The following OSER1 variants were observed in gnomAD, a reference collection of about 807,000 sequenced individuals.
OSER1 encodes oxidative stress responsive serine rich 1, also known as oxidative stress-responsive serine-rich protein 1.
OSER1 carries 15 observed loss-of-function variants against 26.3 expected under a neutral mutation model. The ratio of observed to expected loss-of-function variants is 0.57; its 90% confidence interval spans 0.38 to 0.88. OSER1 has a LOEUF of 0.88. Among genes scored for constraint, OSER1 ranks in the 40% least tolerant of loss-of-function variants. The pLI is 0.00. For missense variants in OSER1, 313 were observed against 353.9 expected, an observed-to-expected ratio of 0.88 and a Z score of 0.93; for synonymous variants, 127 against 128.2, an observed-to-expected ratio of 0.99 and a Z score of 0.07.
rs1230761420 is a variant in OSER1, at chr20:44,197,511, A to G, written c.420T>C (p.Ala140=). 5 of 1,614,072 alleles carry G rather than the reference A, an allele frequency of 3.1e-6. No individual in the cohort carries two copies. In the African/African-American group the frequency reaches 5.3e-5, roughly 17 times the overall value. ...GCTCAACGACTGCCCCTGTGTGATTAGCATCGAGAGAAGTAGAGCTTTCTC... is the reference window on the plus strand; with the variant it reads ...GCTCAACGACTGCCCCTGTGTGATTGGCATCGAGAGAAGTAGAGCTTTCTC... ...SAGESSTSLD[A]NHTGAVVEPL... Residue 140 remains alanine (A), a synonymous_variant, in exon 4 of 4, where the codon GCT becomes GCC. Coordinates refer to ENST00000255174, the MANE Select transcript of OSER1 (RefSeq NM_016470.8).
rs143943850 is a variant in OSER1, at chr20:44,197,635, G to A, written c.296C>T (p.Ala99Val). 1.6e-4 allele frequency: 254 copies of A among 1,613,588 alleles called. No individual in the cohort carries two copies. Among genetic ancestry groups the A allele is most frequent in the Middle Eastern group, 6.6e-4 (4 of 6,084 alleles). The change falls in exon 4 of 4, where the codon GCG becomes GTG. Residue 99 changes from alanine to valine, a missense_variant. Transcript: ENST00000255174. ...CTTGAGTTGACTGCTGGAAGAAGAC[G>A]CTATTGTACTGCAATGTATAAACTT... ...PPKFIHCSTI[A>V]SSSSSQLKHK...
At chr20:44,208,107 C>G (rs1026045701) in intron 1 of OSER1, among the ~76,000 whole-genome samples, 2 of 115,888 alleles carry the variant, frequency 1.7e-5, no homozygotes, top group Non-Finnish European at 3.5e-5. Context: ...AGCCTTTACC[C>G]GCCCCCCCCC....
chr20:44,209,580 G>A (rs1442739699), intron 1 of OSER1, among the ~76,000 whole-genome samples: 1 of 151,464 alleles, frequency 6.6e-6, no homozygotes, highest in Non-Finnish European at 1.5e-5. Flanking sequence ...AATCTCCAAA[G>A]AGATGAAACT....
Position 44,203,138 on chromosome 20 carries a change from C to T in OSER1, c.78-64G>A. 6 of 781,276 alleles carry T rather than the reference C, an allele frequency of 7.7e-6. 1 individual carries two copies. In the South Asian group the frequency reaches 8.1e-5, roughly 10 times the overall value. 48.4% of individuals were successfully genotyped at this position (781,276 alleles called of 1,614,324 possible). ...TAAAATGAGGAGAACATATTGTTCT[C>T]ACTAGCTCAAATACAACTTTTATCA... On this transcript the variant is annotated intron_variant, in intron 2 of 3. Coordinates refer to ENST00000255174, the MANE Select transcript of OSER1 (RefSeq NM_016470.8).
intron 3 of OSER1, among the ~76,000 whole-genome samples, chr20:44,199,558 G>A (rs2072959688): frequency 6.6e-6 from 1 of 152,136 alleles, no homozygotes. Flanking sequence ...GTAAAAAGGT[G>A]AAAGTTCTTG....
rs535463785 is a variant in OSER1, at chr20:44,210,366, A to G, written c.-42+330T>C. 1.2e-4 allele frequency among the ~76,000 whole-genome samples: 18 copies of G among 152,304 alleles called. No homozygotes were observed. The South Asian group carries it at 3.7e-3, about 32-fold the overall frequency. On this transcript the variant is annotated intron_variant, in intron 1 of 3. Transcript: ENST00000255174. ...GAATGGGGCTCCGAGGCGAGAGAGA[A>G]AGGACTGGAAGGGGCAAAGGGCGGC... is the stretch of plus-strand genomic sequence containing the variant.
chr20:44,200,930 G>C (rs1277668082), intron 3 of OSER1, among the ~76,000 whole-genome samples: 1 of 152,208 alleles, frequency 6.6e-6, no homozygotes, highest in Non-Finnish European at 1.5e-5. Context: ...TAAGTGCTAA[G>C]AGAAAATAAC....
At chr20:44,204,203 G>C (rs1331907766) in intron 2 of OSER1, among the ~76,000 whole-genome samples, 1 of 152,082 alleles carries the variant, frequency 6.6e-6, no homozygotes, top group Non-Finnish European at 1.5e-5. Context: ...TAAATATATA[G>C]AGATTTGTCC....
At chr20:44,205,939 CAAAAAAAAAA>C (rs3037684) in intron 2 of OSER1, among the ~76,000 whole-genome samples, 2 of 71,716 alleles carry the variant, frequency 2.8e-5, no homozygotes, top group African/African-American at 1.2e-4. Flanking sequence ...GAATCCGTCT[CAAAAAAAAAA>C]AAAAAAAAAA....
chr20:44,199,058 T>C (rs922243935), intron 3 of OSER1, among the ~76,000 whole-genome samples: 2 of 152,206 alleles, frequency 1.3e-5, no homozygotes, highest in African/African-American at 2.4e-5. Flanking sequence ...GTAACTCTTA[T>C]TTTACTTAAC....
At chr20:44,203,891 A>G (rs1293112089) in intron 2 of OSER1, among the ~76,000 whole-genome samples, 2 of 152,238 alleles carry the variant, frequency 1.3e-5, no homozygotes, top group African/African-American at 4.8e-5. Context: ...TTTCTAAATT[A>G]TGGCATATCT....
chr20:44,207,597 G>C (rs920057056), intron 1 of OSER1: 1 of 152,156 alleles, frequency 6.6e-6, no homozygotes, highest in Non-Finnish European at 1.5e-5. Flanking sequence ...TCATAGCCTG[G>C]AATAGTGTAA....
intron 3 of OSER1, among the ~76,000 whole-genome samples, chr20:44,201,975 A>G (rs2072986710): frequency 6.6e-6 from 1 of 152,244 alleles, no homozygotes; most frequent in South Asian, 2.1e-4. Flanking sequence ...CACTAAACTC[A>G]GCAGTTAAAA....
At position 44,197,494 on chromosome 20, in the gene OSER1, A is replaced by C. The variant is rs188745963; in HGVS notation, c.437T>G (p.Val146Gly). ...TSLDANHTGAVVEPLRTSVPR... is the reference protein window; with the variant it reads ...TSLDANHTGAGVEPLRTSVPR... ...AACAGAAGTTCTCAAAGGCTCAACG[A>C]CTGCCCCTGTGTGATTAGCATCGAG... The change falls in exon 4 of 4, where the codon GTC (valine) becomes GGC (glycine). Residue 146 changes from valine to glycine, a missense_variant. Transcript: ENST00000255174. 4.1e-5 allele frequency: 66 copies of C among 1,614,098 alleles called. No individual in the cohort carries two copies. The highest frequency in any genetic ancestry group is 1.7e-6 in the Non-Finnish European group (2 of 1,179,980).
At chr20:44,203,554 G>A (rs780466901) in intron 2 of OSER1, among the ~76,000 whole-genome samples, 23 of 151,980 alleles carry the variant, frequency 1.5e-4, no homozygotes, top group Admixed American at 3.3e-4. Context: ...AAATCCTTGC[G>A]GTTTAAAATT....
At chr20:44,206,752 G>A (rs962719428) in intron 2 of OSER1, 129 bp downstream of exon 2, 19 of 534,110 alleles carry the variant, frequency 3.6e-5, no homozygotes, top group Non-Finnish European at 6.0e-5. Context: ...GAAGAATGTC[G>A]CACTATTAGC....
intron 2 of OSER1, among the ~76,000 whole-genome samples, chr20:44,203,383 C>G (rs1384175300): frequency 1.3e-5 from 2 of 152,170 alleles, no homozygotes; most frequent in African/African-American, 4.8e-5. Context: ...GCTAATGACA[C>G]TGACCATTTA....
Position 44,197,289 on chromosome 20 carries a change from C to T in OSER1, c.642G>A (p.Val214=), listed in dbSNP as rs8268. ...CQCKRWHDME[V]YSFSGLQSVP... ...CACTCTGCAGGCCTGAAAAGGAATA[C>T]ACTTCCATATCATGCCATCTCTTAC... The change falls in exon 4 of 4, where the codon GTG becomes GTA. Residue 214 remains valine, a synonymous_variant. Coordinates refer to ENST00000255174, the MANE Select transcript of OSER1 (RefSeq NM_016470.8). The T allele has an allele frequency of 0.16, 261,738 of 1,613,654 alleles. 26,477 individuals carry two copies. The highest frequency in any genetic ancestry group is 0.42 in the East Asian group (19,037 of 44,860).
At chr20:44,207,242 T>G (rs989890648) in intron 1 of OSER1, 1 of 244,600 alleles carries the variant, frequency 4.1e-6, no homozygotes, top group African/African-American at 2.2e-5. Context: ...TTACACAATT[T>G]TGGAAACTAG....
Sources: gnomAD v4.1 joint callset for allele counts (sites outside exome capture counted in the v4.1 genomes callset) on GRCh38, gnomAD v4.1.1 for gene constraint, MANE v1.5 for transcripts, NCBI Gene and HGNC (gene_info 2026-07-23, HGNC 2026-07-21) for gene names.